Variants in PPP6R3 observed in about 807,000 individuals in gnomAD.
PPP6R3 encodes protein phosphatase 6 regulatory subunit 3.
PPP6R3 carries 38 observed loss-of-function variants against 110.7 expected under a neutral mutation model. The ratio of observed to expected loss-of-function variants is 0.34; its 90% CI spans 0.26 to 0.45. The LOEUF (loss-of-function observed/expected upper bound fraction) is 0.45, where lower values mean the gene tolerates loss of function less well. PPP6R3 is among the 20% of genes least tolerant of loss of function. PPP6R3 has a pLI of 1.00. For synonymous variants in PPP6R3, 369 were observed against 373.5 expected (o/e 0.99, Z 0.14); for missense variants, 870 against 1,062.4 (o/e 0.82, Z 2.52).
intron 2 of PPP6R3, among the ~76,000 whole-genome samples, chr11:68,530,996 T>C (rs1328716200): frequency 6.6e-6 from 1 of 152,214 alleles, no homozygotes; most frequent in Non-Finnish European, 1.5e-5. Context: ...TTTTGTCATG[T>C]TTATGGTATG....
rs370113066 is a variant in PPP6R3, at chr11:68,603,472, A to G, written c.2430A>G (p.Thr810=). 5.6e-5 allele frequency: 91 copies of G among 1,614,080 alleles called. No individual in the cohort carries two copies. Among genetic ancestry groups the G allele is most frequent in the Non-Finnish European group, 7.3e-5 (86 of 1,180,016 alleles). Residue 810 remains threonine, a synonymous_variant, in exon 22 of 24, where the codon ACA becomes ACG. Coordinates refer to ENST00000393800, the MANE Select transcript of PPP6R3 (RefSeq NM_001164161.2). ...ETLSLTVDAK[T]ETAVFKSEEG... ...TCAGCCTCACTGTAGATGCCAAGACAGAGACTGCGGTCTTCAAAAGGTAAC... is the reference window on the plus strand; with the variant it reads ...TCAGCCTCACTGTAGATGCCAAGACGGAGACTGCGGTCTTCAAAAGGTAAC...
rs2099357058 is a variant in PPP6R3 at position 68,548,278 on chromosome 11, T to C, written c.552+74T>C. ...GTGAGCCCACCAGGCTGCTGTGTGC[T>C]GGGAAGGAATGCATGGGATTAGGGT... On this transcript the variant is annotated intron_variant, in intron 5 of 23. Coordinates refer to ENST00000393800, the MANE Select transcript of PPP6R3 (RefSeq NM_001164161.2). The C allele has an allele frequency of 4.5e-6, 7 of 1,561,564 alleles. No individual in the cohort carries two copies. In the Admixed American group the frequency reaches 9.0e-5, roughly 20 times the overall value.
intron 1 of PPP6R3, among the ~76,000 whole-genome samples, chr11:68,497,255 C>A (rs1007129356): frequency 6.7e-6 from 1 of 150,312 alleles, no homozygotes; most frequent in African/African-American, 2.5e-5. Flanking sequence ...GGGGTTTCAC[C>A]GTGTTAGCCA....
In PPP6R3 at chr11:68,517,768, T is replaced by C. The variant is rs140240574; in HGVS notation, c.-157-1733T>C. Reference sequence around the variant, plus strand: ...GCCTGGCCAACATGGTGAAATCCCGTCTCTACAAAAAATATAAAAATTAAG... The same window carrying C: ...GCCTGGCCAACATGGTGAAATCCCGCCTCTACAAAAAATATAAAAATTAAG... On this transcript the variant is annotated intron_variant, in intron 1 of 23. Coordinates refer to ENST00000393800, the MANE Select transcript of PPP6R3 (RefSeq NM_001164161.2). 1.5e-3 allele frequency among the ~76,000 whole-genome samples: 221 copies of C among 152,042 alleles called. 2 individuals are homozygous for C. In the East Asian group the frequency reaches 0.037, roughly 25 times the overall value.
At chr11:68,540,808 T>C (rs191833369) in intron 3 of PPP6R3, among the ~76,000 whole-genome samples, 6 of 152,324 alleles carry the variant, frequency 3.9e-5, no homozygotes, top group Admixed American at 6.5e-5. Context: ...AAGAGAAATA[T>C]GGCTCTGTTC....
At chr11:68,555,060 A>G (rs2099394063) in intron 7 of PPP6R3, among the ~76,000 whole-genome samples, 1 of 152,230 alleles carries the variant, frequency 6.6e-6, no homozygotes, top group African/African-American at 2.4e-5. Flanking sequence ...CAGGCAGGGA[A>G]TACATTACAG....
intron 22 of PPP6R3, among the ~76,000 whole-genome samples, chr11:68,607,615 G>A (rs1425597715): frequency 3.3e-5 from 5 of 152,340 alleles, no homozygotes; most frequent in African/African-American, 7.2e-5. Context: ...TGATGAGGCC[G>A]GAGGCCAGAG....
At chr11:68,521,819 C>T (rs183613601) in intron 2 of PPP6R3, among the ~76,000 whole-genome samples, 1 of 152,156 alleles carries the variant, frequency 6.6e-6, no homozygotes, top group Non-Finnish European at 1.5e-5. Flanking sequence ...TTCTGTAATA[C>T]AGCTCTCTCT....
At position 68,537,842 on chromosome 11, in the gene PPP6R3, T is replaced by C. The variant is rs1337732257; in HGVS notation, c.178T>C (p.Phe60Leu). The C allele has an allele frequency of 6.2e-7, 1 of 1,614,022 alleles. No individual in the cohort carries two copies. Among genetic ancestry groups the C allele is most frequent in the South Asian group, 1.1e-5 (1 of 91,068 alleles). The change falls in exon 3 of 24, where the codon TTC becomes CTC. Residue 60 changes from phenylalanine to leucine, a missense_variant. Physicochemically the swap from Phe to Leu is conservative, Grantham distance 22. Coordinates refer to ENST00000393800, the MANE Select transcript of PPP6R3 (RefSeq NM_001164161.2). ...AGAATGTCTCGAAGATTTAGTCTCA[T>C]TCATTATAGAAGAACCACCTCAAGA... ...KAECLEDLVS[F>L]IIEEPPQDMD...
chr11:68,592,581 T>C (rs1280010134), intron 18 of PPP6R3, among the ~76,000 whole-genome samples: 2 of 152,104 alleles, frequency 1.3e-5, no homozygotes, highest in Non-Finnish European at 2.9e-5. Flanking sequence ...AGTAAAGCTG[T>C]GTTTGTCTCT....
intron 2 of PPP6R3, among the ~76,000 whole-genome samples, chr11:68,524,070 C>G (rs559308118): frequency 4.7e-4 from 72 of 152,232 alleles, no homozygotes; most frequent in African/African-American, 1.6e-3. Context: ...GCATGTTAAT[C>G]ATTTAGTACA....
Position 68,607,629 on chromosome 11 carries a change from C to T in PPP6R3, c.2451-2275C>T, listed in dbSNP as rs114171036. On this transcript the variant is annotated intron_variant, in intron 22 of 23. Transcript: ENST00000393800. ...GTGATGAGGCCGGAGGCCAGAGTCT[C>T]ATGATGGTTAATAAAAGAAATACAG... 3.4e-3 allele frequency among the ~76,000 whole-genome samples: 521 copies of T among 152,338 alleles called. 6 individuals are homozygous for T. Among genetic ancestry groups the T allele is most frequent in the African/African-American group, 0.012 (498 of 41,570 alleles).
intron 1 of PPP6R3, among the ~76,000 whole-genome samples, chr11:68,463,020 A>G (rs2098719344): frequency 6.6e-6 from 1 of 152,202 alleles, no homozygotes; most frequent in African/African-American, 2.4e-5. Flanking sequence ...GAATCAGACC[A>G]TAGCTGAGCA....
At chr11:68,506,414 CAAAAAAAAAAAAAAA>C (rs67739319) in intron 1 of PPP6R3, among the ~76,000 whole-genome samples, 941 of 46,152 alleles carry the variant, frequency 0.02, 25 homozygotes, top group African/African-American at 0.055. Context: ...CCTTTATACT[CAAAAAAAAAAAAAAA>C]AAAAAAAAAA....
intron 4 of PPP6R3, among the ~76,000 whole-genome samples, chr11:68,547,340 G>C (rs1194478439): frequency 6.6e-6 from 1 of 152,154 alleles, no homozygotes; most frequent in African/African-American, 2.4e-5. Flanking sequence ...GAGGGTTTGG[G>C]AATAGATGAC....
intron 1 of PPP6R3, among the ~76,000 whole-genome samples, chr11:68,490,274 A>G (rs1245707896): frequency 1.3e-5 from 2 of 152,020 alleles, no homozygotes; most frequent in Non-Finnish European, 2.9e-5. Flanking sequence ...TCCTGCTTGC[A>G]TGGTTTCTAA....
intron 12 of PPP6R3, 60 bp from the exon 13 acceptor site, chr11:68,574,049 G>A (rs1304048589): frequency 4.2e-6 from 5 of 1,189,380 alleles, no homozygotes; most frequent in East Asian, 4.7e-5. Flanking sequence ...AGTATTTACC[G>A]AGTGTTTCAT....
intron 21 of PPP6R3, 68 bp downstream of exon 21, chr11:68,602,037 T>C (rs1250253379): frequency 7.8e-7 from 1 of 1,277,702 alleles, no homozygotes; most frequent in African/African-American, 1.5e-5. Flanking sequence ...GACCTGATTC[T>C]CAGGCTCAGG....
At chr11:68,521,359 C>T (rs1219577602) in intron 2 of PPP6R3, among the ~76,000 whole-genome samples, 1 of 152,208 alleles carries the variant, frequency 6.6e-6, no homozygotes, top group African/African-American at 2.4e-5. Flanking sequence ...ATGTCAGAGG[C>T]ATTTCTCAGG....
Sources: allele counts gnomAD v4.1 joint callset (sites outside exome capture counted in the v4.1 genomes callset), GRCh38; gene constraint gnomAD v4.1.1; transcripts MANE v1.5; gene names NCBI Gene and HGNC (gene_info 2026-07-23, HGNC 2026-07-21).